INPP4A: variants seen among roughly 807,000 people sequenced by gnomAD.
The protein encoded by INPP4A is inositol polyphosphate-4-phosphatase, type I, 107kD.
INPP4A carries 33 observed loss-of-function variants against 119.8 expected under a neutral mutation model. The ratio of observed to expected loss-of-function variants is 0.28; its 90% CI spans 0.21 to 0.37. The LOEUF (loss-of-function observed/expected upper bound fraction) is 0.37, where lower values mean the gene tolerates loss of function less well. Among genes scored for constraint, INPP4A ranks in the 10% least tolerant of loss-of-function variants. The pLI, the probability that INPP4A is intolerant of heterozygous loss-of-function variation, is 1.00. For missense variants in INPP4A, 956 were observed against 1,289.9 expected, an observed-to-expected ratio of 0.74 and a Z score of 3.97; for synonymous variants, 496 against 500.7, an observed-to-expected ratio of 0.99 and a Z score of 0.12.
chr2:98,581,446 C>A, intron 24 of INPP4A: 1 of 911,310 alleles, frequency 1.1e-6, no homozygotes, highest in Non-Finnish European at 1.5e-6. Flanking sequence ...TTTTTTTAAC[C>A]TTATCTTTTG....
chr2:98,533,236 C>A (rs1380990838), intron 4 of INPP4A, 141 bp from the exon 5 acceptor site: 1 of 581,072 alleles, frequency 1.7e-6, no homozygotes, highest in African/African-American at 1.9e-5. Flanking sequence ...AAATCACTTC[C>A]CTGTGACAAC....
chr2:98,561,366 G>C (rs1695440082), intron 17 of INPP4A, among the ~76,000 whole-genome samples: 1 of 152,204 alleles, frequency 6.6e-6, no homozygotes, highest in Non-Finnish European at 1.5e-5. Context: ...CAGTGACCCA[G>C]GTGCCTTTAC....
intron 17 of INPP4A, among the ~76,000 whole-genome samples, chr2:98,562,017 G>A (rs1695562184): frequency 6.6e-6 from 1 of 152,106 alleles, no homozygotes; most frequent in South Asian, 2.1e-4. Flanking sequence ...TATAAAAAAG[G>A]ACCCACATGG....
At chr2:98,495,858 A>G (rs1681829822) in intron 1 of INPP4A, among the ~76,000 whole-genome samples, 1 of 152,208 alleles carries the variant, frequency 6.6e-6, no homozygotes, top group South Asian at 2.1e-4. Flanking sequence ...CAGGAAAAAG[A>G]CCTGGAAAGG....
At chr2:98,452,120 A>C (rs1039295548) in intron 1 of INPP4A, among the ~76,000 whole-genome samples, 1 of 152,210 alleles carries the variant, frequency 6.6e-6, no homozygotes. Flanking sequence ...GTTCCTGTCC[A>C]GCAGGAGCAG....
At chr2:98,524,143 T>G (rs1687749781) in intron 4 of INPP4A, among the ~76,000 whole-genome samples, 1 of 152,220 alleles carries the variant, frequency 6.6e-6, no homozygotes, top group African/African-American at 2.4e-5. Context: ...ACTATCACAG[T>G]GAACGTATTC....
rs1692551218 is a variant in INPP4A at position 98,546,766 on chromosome 2, T to C, written c.1163+72T>C. The C allele has an allele frequency of 9.9e-7, 1 of 1,011,238 alleles. No homozygotes were observed. Among genetic ancestry groups the C allele is most frequent in the South Asian group, 1.4e-5 (1 of 73,092 alleles). The allele number at this position is 1,011,238 out of a possible 1,614,324, so 62.6% of individuals were successfully genotyped here. On this transcript the variant is annotated intron_variant, in intron 13 of 24. Transcript: ENST00000409851. This position sits in a 1 kb window ranked among gnomAD's most constrained non-coding sequence, Gnocchi z 4.2. ...CTTCTTTTCTCAGTTTAAAATAAAA[T>C]CAAAATATGACCGCAAAAACACCCA...
At chr2:98,485,568 G>A (rs551031931) in intron 1 of INPP4A, among the ~76,000 whole-genome samples, 4 of 152,254 alleles carry the variant, frequency 2.6e-5, no homozygotes, top group African/African-American at 4.8e-5. Flanking sequence ...TTGTCCCTCC[G>A]AGACTCAGGG....
At chr2:98,524,915 T>C (rs1195597145) in intron 4 of INPP4A, among the ~76,000 whole-genome samples, 1 of 152,202 alleles carries the variant, frequency 6.6e-6, no homozygotes, top group African/African-American at 2.4e-5. Context: ...CCATAACAAA[T>C]TACCAGAAAT....
At chr2:98,560,483 G>A (rs961940729) in intron 17 of INPP4A, among the ~76,000 whole-genome samples, 2 of 152,116 alleles carry the variant, frequency 1.3e-5, no homozygotes, top group Admixed American at 1.3e-4. Context: ...GCTCATTGGC[G>A]GGCTAATCTG....
chr2:98,493,303 G>A (rs1681217303), intron 1 of INPP4A, among the ~76,000 whole-genome samples: 1 of 152,034 alleles, frequency 6.6e-6, no homozygotes, highest in Non-Finnish European at 1.5e-5. Context: ...TGGCTTGTCT[G>A]CCTACCCCGA....
At chr2:98,516,743 G>T (rs1429596661) in intron 1 of INPP4A, among the ~76,000 whole-genome samples, 2 of 152,156 alleles carry the variant, frequency 1.3e-5, no homozygotes, top group African/African-American at 4.8e-5. Flanking sequence ...CCAGCATGGG[G>T]TGCAAATCTT....
intron 1 of INPP4A, among the ~76,000 whole-genome samples, chr2:98,447,418 G>A (rs1378181990): frequency 6.6e-6 from 1 of 152,026 alleles, no homozygotes; most frequent in Admixed American, 6.5e-5. Context: ...CATATTTTGA[G>A]GAGACCAATA....
chr2:98,560,423 G>C (rs796499512), intron 17 of INPP4A, among the ~76,000 whole-genome samples: 4 of 152,300 alleles, frequency 2.6e-5, no homozygotes, highest in African/African-American at 9.6e-5. Context: ...CCATGAGTCA[G>C]CATAGTGTGG....
In INPP4A at chr2:98,547,230, C is replaced by T. The variant is rs555413794; in HGVS notation, c.1163+536C>T. 1.7e-4 allele frequency among the ~76,000 whole-genome samples: 26 copies of T among 152,276 alleles called. No individual in the cohort carries two copies. The East Asian group carries it at 4.6e-3, about 27-fold the overall frequency. On this transcript the variant is annotated intron_variant, in intron 13 of 24. Coordinates refer to ENST00000409851, the MANE Select transcript of INPP4A (RefSeq NM_001134225.2). The stretch of plus-strand genomic sequence containing the variant: ...GTGGCCAGGTGCACAGTGCTGGGGG[C>T]GGAGAGCTAAGAGGACTGGCCTTGC...
chr2:98,464,528 C>CT (rs1257916886), intron 1 of INPP4A, among the ~76,000 whole-genome samples: 4 of 152,148 alleles, frequency 2.6e-5, no homozygotes, highest in African/African-American at 7.2e-5. Context: ...TAGCCAGTGT[C>CT]TTTTTTTGCC....
In INPP4A at chr2:98,554,408, T is replaced by C. The variant is rs371744862; in HGVS notation, c.1485T>C (p.Asn495=). ...STEEEQVMLR[N]DQDTLMARWT... ...AGGAGGAGCAGGTGATGCTTAGAAATGACCAGGACACCCTCATGGCCCGGT... is the reference window on the plus strand; with the variant it reads ...AGGAGGAGCAGGTGATGCTTAGAAACGACCAGGACACCCTCATGGCCCGGT... Residue 495 remains asparagine, a synonymous_variant, in exon 15 of 25, where the codon AAT becomes AAC. Transcript: ENST00000409851. This position sits in a 1 kb window ranked among gnomAD's most constrained non-coding sequence, Gnocchi z 4.7. The C allele has an allele frequency of 2.2e-5, 35 of 1,613,768 alleles. No homozygotes were observed. Among genetic ancestry groups the C allele is most frequent in the Middle Eastern group, 1.6e-4 (1 of 6,084 alleles).
intron 4 of INPP4A, among the ~76,000 whole-genome samples, chr2:98,527,791 T>G (rs1345639028): frequency 6.6e-6 from 1 of 152,218 alleles, no homozygotes. Flanking sequence ...ACTACTAACC[T>G]AATGAAGCAG....
intron 1 of INPP4A, among the ~76,000 whole-genome samples, chr2:98,498,699 C>T (rs1177212129): frequency 8.5e-5 from 13 of 152,052 alleles, no homozygotes; most frequent in Non-Finnish European, 1.5e-4. Context: ...CCAATGTGAC[C>T]GTATTTGGAG....
Sources: allele counts gnomAD v4.1 joint callset (sites outside exome capture counted in the v4.1 genomes callset), GRCh38; gene constraint gnomAD v4.1.1; non-coding constraint Gnocchi (gnomAD v3.1); transcripts MANE v1.5; gene names NCBI Gene and HGNC (gene_info 2026-07-23, HGNC 2026-07-21).